Variants in KIRREL3 observed in about 807,000 individuals in gnomAD.
KIRREL3 encodes kirre like nephrin family adhesion molecule 3.
In KIRREL3, 36 loss-of-function variants were observed where a neutral mutation model predicts 89.7. The ratio of observed to expected loss-of-function variants is 0.40; its 90% CI spans 0.31 to 0.53. KIRREL3 has a LOEUF of 0.53. Among genes scored for constraint, KIRREL3 ranks in the 20% least tolerant of loss-of-function variants. KIRREL3 has a pLI of 0.49. For missense variants in KIRREL3, 864 were observed against 1,056.6 expected, an observed-to-expected ratio of 0.82 and a Z score of 2.53; for synonymous variants, 445 against 441.4, an observed-to-expected ratio of 1.01 and a Z score of -0.10.
chr11:126,514,123 T>C (rs1428718259), intron 4 of KIRREL3, among the ~76,000 whole-genome samples: 3 of 151,772 alleles, frequency 2.0e-5, no homozygotes, highest in African/African-American at 2.4e-5. Flanking sequence ...GTGGCAGGGG[T>C]GGGGTGTGTG....
rs1185577409 is a variant in KIRREL3, at chr11:126,643,067, C to T, written c.56-80155G>A. Among the ~76,000 whole-genome samples the T allele has an allele frequency of 6.6e-6, 1 of 152,120 alleles. No homozygotes were observed. The highest frequency in any genetic ancestry group is 2.4e-5 in the African/African-American group (1 of 41,386). On this transcript the variant is annotated intron_variant, in intron 1 of 16. Transcript: ENST00000525144. The surrounding 1 kb of genome is among the most constrained non-coding windows in gnomAD (Gnocchi z 4.5). ...ATATTGTAATAAAGGAGACACAACTCTAGGCAGATGTCATGAGCACTGGAA... is the reference window on the plus strand; with the variant it reads ...ATATTGTAATAAAGGAGACACAACTTTAGGCAGATGTCATGAGCACTGGAA...
rs926803181 is a variant in KIRREL3, at chr11:126,811,521, G to A, written c.55+188934C>T. Among the ~76,000 whole-genome samples the A allele has an allele frequency of 6.6e-6, 1 of 152,224 alleles. No individual in the cohort carries two copies. Among genetic ancestry groups the A allele is most frequent in the South Asian group, 2.1e-4 (1 of 4,832 alleles). The stretch of plus-strand genomic sequence containing the variant: ...ATGAATAGGAACCTGTGCATTGGAC[G>A]GGGACGGTGCCAGCTACAGCTGACC... On this transcript the variant is annotated intron_variant, in intron 1 of 16. Transcript: ENST00000525144. This position sits in a 1 kb window ranked among gnomAD's most constrained non-coding sequence, Gnocchi z 4.3.
Position 126,475,778 on chromosome 11 carries a change from C to T in KIRREL3, c.434-2312G>A, listed in dbSNP as rs880945. Among the ~76,000 whole-genome samples the T allele has an allele frequency of 0.15, 23,340 of 152,226 alleles. 2,184 individuals carry two copies. The highest frequency in any genetic ancestry group is 0.31 in the Admixed American group (4,718 of 15,296). ...ACGGAGGCGGCTCAGGGCTTTCCAC[C>T]AAGTGGGGGTGGGTGCAACCACTTG... On this transcript the variant is annotated intron_variant, in intron 4 of 16. Transcript: ENST00000525144. This position sits in a 1 kb window ranked among gnomAD's most constrained non-coding sequence, Gnocchi z 7.5.
chr11:126,441,629 C>T lies in KIRREL3; in HGVS notation c.1253-1080G>A, dbSNP rs557168205. ...GGGAGCAACGCATCTGGAGAACACA[C>T]AGAATTATGCAGGAACAAAACAAAA... On this transcript the variant is annotated intron_variant, in intron 10 of 16. Coordinates refer to ENST00000525144, the MANE Select transcript of KIRREL3 (RefSeq NM_032531.4). This position sits in a 1 kb window ranked among gnomAD's most constrained non-coding sequence, Gnocchi z 5.0. 3.9e-5 allele frequency among the ~76,000 whole-genome samples: 6 copies of T among 152,318 alleles called. No individual in the cohort carries two copies. In the South Asian group the frequency reaches 1.0e-3, roughly 26 times the overall value.
chr11:126,933,799 A>G (rs1237192221), intron 1 of KIRREL3, among the ~76,000 whole-genome samples: 3 of 151,652 alleles, frequency 2.0e-5, no homozygotes, highest in Non-Finnish European at 2.9e-5. Flanking sequence ...AACCAAAAAC[A>G]TGGAGAGAAA....
chr11:126,445,714 A>G (rs1955763600), intron 9 of KIRREL3, among the ~76,000 whole-genome samples: 1 of 152,184 alleles, frequency 6.6e-6, no homozygotes, highest in Admixed American at 6.5e-5. Flanking sequence ...AGGATAATGC[A>G]GCGTCTGCTA....
At chr11:126,962,103 C>T (rs1311983792) in intron 1 of KIRREL3, among the ~76,000 whole-genome samples, 1 of 152,202 alleles carries the variant, frequency 6.6e-6, no homozygotes, top group Non-Finnish European at 1.5e-5. Context: ...TTCTTGCCTG[C>T]TAACACAACA....
Position 126,451,562 on chromosome 11 carries a change from GATC to G in KIRREL3, c.849-2408_849-2406del, listed in dbSNP as rs781079711. 9.0e-4 allele frequency among the ~76,000 whole-genome samples: 127 copies of G among 140,720 alleles called. 1 individual carries two copies. In the Middle Eastern group the frequency reaches 0.052, roughly 57 times the overall value. 92.3% of individuals were successfully genotyped at this position (140,720 alleles called of 152,430 possible). A position where few individuals can be genotyped will look rare whatever the true frequency, so the allele number is the denominator to read the frequency against. On this transcript the variant is annotated intron_variant, in intron 7 of 16. Coordinates refer to ENST00000525144, the MANE Select transcript of KIRREL3 (RefSeq NM_032531.4). ...AGAGTGTGCATGTGTGCATGTGTGT[GATC>G]ATGTGCATGTGTGTGTGCGTGTGTG...
At position 126,463,078 on chromosome 11, in the gene KIRREL3, G is replaced by T. The variant is rs1396701118; in HGVS notation, c.742+79C>A. Reference sequence around the variant, plus strand: ...TGACCCATTTCCTGCTATCAGATGGGCCAGGCTATGGTCAGGGTTGCTGGG... The same window carrying T: ...TGACCCATTTCCTGCTATCAGATGGTCCAGGCTATGGTCAGGGTTGCTGGG... On this transcript the variant is annotated intron_variant, in intron 6 of 16. Transcript: ENST00000525144. This position sits in a 1 kb window ranked among gnomAD's most constrained non-coding sequence, Gnocchi z 5.9. 2 of 1,416,924 alleles carry T rather than the reference G, an allele frequency of 1.4e-6. No individual in the cohort carries two copies. Among genetic ancestry groups the T allele is most frequent in the Admixed American group, 1.8e-5 (1 of 54,904 alleles). 87.8% of individuals were successfully genotyped at this position (1,416,924 alleles called of 1,614,324 possible).
At chr11:126,452,845 C>T (rs1021659172) in intron 7 of KIRREL3, among the ~76,000 whole-genome samples, 1 of 152,184 alleles carries the variant, frequency 6.6e-6, no homozygotes, top group African/African-American at 2.4e-5. Context: ...TCACATCTCG[C>T]CCAGCCGGTC....
intron 1 of KIRREL3, among the ~76,000 whole-genome samples, chr11:126,831,142 T>C (rs1046052771): frequency 6.6e-6 from 1 of 152,218 alleles, no homozygotes; most frequent in Non-Finnish European, 1.5e-5. Flanking sequence ...ACAGTGATAT[T>C]TACTTTCAGG....
chr11:126,648,219 C>T (rs754796503), intron 1 of KIRREL3, among the ~76,000 whole-genome samples: 2 of 152,212 alleles, frequency 1.3e-5, no homozygotes, highest in Non-Finnish European at 2.9e-5. Context: ...GCTGTGCCTG[C>T]CTACAGAACC....
At chr11:126,971,149 C>T (rs1393071166) in intron 1 of KIRREL3, among the ~76,000 whole-genome samples, 1 of 152,094 alleles carries the variant, frequency 6.6e-6, no homozygotes, top group African/African-American at 2.4e-5. Flanking sequence ...AAAGTATTAT[C>T]TACATTTCTG....
In KIRREL3 at chr11:126,575,906, G is replaced by A. The variant is rs567117459; in HGVS notation, c.56-12994C>T. 6.6e-6 allele frequency among the ~76,000 whole-genome samples: 1 copy of A among 152,102 alleles called. No homozygotes were observed. The highest frequency in any genetic ancestry group is 1.5e-5 in the Non-Finnish European group (1 of 68,028). ...CTCTGGACACCACCCCCCGCCAACTGCCTTATTCATACCTCTTCATTCATT... is the reference window on the plus strand; with the variant it reads ...CTCTGGACACCACCCCCCGCCAACTACCTTATTCATACCTCTTCATTCATT... On this transcript the variant is annotated intron_variant, in intron 1 of 16. Coordinates refer to ENST00000525144, the MANE Select transcript of KIRREL3 (RefSeq NM_032531.4). The surrounding 1 kb of genome is among the most constrained non-coding windows in gnomAD (Gnocchi z 7.0).
chr11:126,795,804 CT>C lies in KIRREL3; in HGVS notation c.55+204650del, dbSNP rs373135176. On this transcript the variant is annotated intron_variant, in intron 1 of 16. Transcript: ENST00000525144. The surrounding 1 kb of genome is among the most constrained non-coding windows in gnomAD (Gnocchi z 4.1). The stretch of plus-strand genomic sequence containing the variant: ...AGAGCCACTTCAACCACCAGTTCTT[CT>C]TCCCCCTGTGCACCCCAAGAGCGTA... Among the ~76,000 whole-genome samples, 58 of 152,234 alleles carry C rather than the reference CT, an allele frequency of 3.8e-4. 1 individual carries two copies. The East Asian group carries it at 7.9e-3, about 21-fold the overall frequency.
At chr11:126,707,240 C>T (rs1220558519) in intron 1 of KIRREL3, among the ~76,000 whole-genome samples, 1 of 131,308 alleles carries the variant, frequency 7.6e-6, no homozygotes, top group Non-Finnish European at 1.5e-5. Context: ...GACACCTTGT[C>T]CATGGCTTTT....
intron 1 of KIRREL3, among the ~76,000 whole-genome samples, chr11:126,926,581 C>T (rs1323818792): frequency 6.6e-6 from 1 of 152,064 alleles, no homozygotes; most frequent in Non-Finnish European, 1.5e-5. Flanking sequence ...TTTGCAGAAG[C>T]CTCTCACCAG....
chr11:126,821,796 G>T (rs1166759993), intron 1 of KIRREL3, among the ~76,000 whole-genome samples: 1 of 152,070 alleles, frequency 6.6e-6, no homozygotes, highest in Non-Finnish European at 1.5e-5. Flanking sequence ...GGGTGCAAAA[G>T]ATCCCACCAG....
chr11:126,980,210 C>T (rs1949684533), intron 1 of KIRREL3, among the ~76,000 whole-genome samples: 1 of 152,094 alleles, frequency 6.6e-6, no homozygotes, highest in South Asian at 2.1e-4. Flanking sequence ...AGCAAGGATA[C>T]AAAGGCATGG....
Sources: allele counts gnomAD v4.1 joint callset (sites outside exome capture counted in the v4.1 genomes callset), GRCh38; gene constraint gnomAD v4.1.1; non-coding constraint Gnocchi (gnomAD v3.1); transcripts MANE v1.5; gene names NCBI Gene and HGNC (gene_info 2026-07-23, HGNC 2026-07-21).